Variants in JMJD1C observed in about 807,000 individuals in gnomAD.
The protein encoded by JMJD1C is jumonji domain-containing protein 1C.
A neutral mutation model predicts 245.3 loss-of-function variants in JMJD1C; 31 were observed. The ratio of observed to expected loss-of-function variants is 0.13; its 90% confidence interval spans 0.09 to 0.17. The LOEUF (loss-of-function observed/expected upper bound fraction) is 0.17, where lower values mean the gene tolerates loss of function less well. Ranked by LOEUF, JMJD1C falls within the 10% of genes least tolerant of loss-of-function variation. The pLI is 1.00. For missense variants in JMJD1C, 2,691 were observed against 3,000.2 expected, an observed-to-expected ratio of 0.90 and a Z score of 2.41; for synonymous variants, 1,057 against 1,017.4, an observed-to-expected ratio of 1.04 and a Z score of -0.74.
At chr10:63,472,357 CAG>C (rs1176341374) in intron 1 of JMJD1C, among the ~76,000 whole-genome samples, 1 of 151,918 alleles carries the variant, frequency 6.6e-6, no homozygotes, top group Non-Finnish European at 1.5e-5. Context: ...TTTTTTGAGT[CAG>C]AGTCTCCCTG....
At chr10:63,301,698 C>G (rs970962252) in intron 2 of JMJD1C, 23 of 447,080 alleles carry the variant, frequency 5.1e-5, no homozygotes, top group African/African-American at 4.5e-4. Context: ...GGACAAATAC[C>G]TAATGCATAT....
chr10:63,380,203 C>A (rs767409548), intron 2 of JMJD1C, 115 bp downstream of exon 2: 2 of 1,040,148 alleles, frequency 1.9e-6, no homozygotes, highest in African/African-American at 3.1e-5. Flanking sequence ...TTCAGCCTCT[C>A]AAAGTGCTAG....
At chr10:63,434,931 G>A (rs1040862794) in intron 1 of JMJD1C, among the ~76,000 whole-genome samples, 38 of 152,114 alleles carry the variant, frequency 2.5e-4, no homozygotes, top group African/African-American at 8.9e-4. Context: ...CAAAAAAATT[G>A]CCCTAGAATA....
chr10:63,422,994 C>T (rs1482723601), intron 1 of JMJD1C, among the ~76,000 whole-genome samples: 3 of 146,978 alleles, frequency 2.0e-5, no homozygotes, highest in Admixed American at 1.4e-4. Flanking sequence ...ACTGAGTTTT[C>T]GCTCTTGTCA....
chr10:63,181,311 T>G (rs1420669704), intron 22 of JMJD1C, among the ~76,000 whole-genome samples: 3 of 152,160 alleles, frequency 2.0e-5, no homozygotes, highest in African/African-American at 7.2e-5. Flanking sequence ...GCTCTGCAAA[T>G]TAAAATAACA....
At chr10:63,387,499 C>T (rs566318330) in intron 1 of JMJD1C, among the ~76,000 whole-genome samples, 1 of 151,526 alleles carries the variant, frequency 6.6e-6, no homozygotes, top group Non-Finnish European at 1.5e-5. Context: ...AAATTCGGGA[C>T]CTGATGTATT....
chr10:63,370,965 C>T (rs948456646), intron 2 of JMJD1C, among the ~76,000 whole-genome samples: 1 of 152,074 alleles, frequency 6.6e-6, no homozygotes, highest in Admixed American at 6.6e-5. Context: ...ATAATGATCT[C>T]CATTACTTTA....
At chr10:63,496,035 T>TAAA (rs1016095824) in intron 1 of JMJD1C, among the ~76,000 whole-genome samples, 8 of 113,060 alleles carry the variant, frequency 7.1e-5, no homozygotes, top group Non-Finnish European at 1.9e-5. Flanking sequence ...GCAATTGCAC[T>TAAA]AAAAAAAAAA....
chr10:63,328,356 G>A (rs185711342), intron 2 of JMJD1C, among the ~76,000 whole-genome samples: 1 of 152,084 alleles, frequency 6.6e-6, no homozygotes, highest in African/African-American at 2.4e-5. Flanking sequence ...AAATTTGAGA[G>A]GATTAGGGGA....
chr10:63,454,386 T>C (rs557579842), intron 1 of JMJD1C, among the ~76,000 whole-genome samples: 1 of 151,686 alleles, frequency 6.6e-6, no homozygotes, highest in African/African-American at 2.4e-5. Flanking sequence ...GCCTCCAGAG[T>C]AGCCGGGATT....
chr10:63,326,482 TA>T (rs1464487229), intron 2 of JMJD1C, among the ~76,000 whole-genome samples: 1 of 152,122 alleles, frequency 6.6e-6, no homozygotes, highest in Non-Finnish European at 1.5e-5. Context: ...AGTAATGTTA[TA>T]AGATACTGCC....
intron 2 of JMJD1C, among the ~76,000 whole-genome samples, chr10:63,272,025 A>T (rs1162822043): frequency 5.3e-5 from 8 of 150,972 alleles, no homozygotes; most frequent in African/African-American, 2.4e-5. Context: ...GTGAGCCGAG[A>T]TCATACCACT....
chr10:63,280,264 T>C (rs535253013), intron 2 of JMJD1C, among the ~76,000 whole-genome samples: 28 of 150,700 alleles, frequency 1.9e-4, no homozygotes, highest in South Asian at 8.4e-4. Context: ...AAAAAGTTAG[T>C]GTAGGCCACA....
intron 24 of JMJD1C, among the ~76,000 whole-genome samples, chr10:63,174,802 C>CTA (rs1842729673): frequency 6.6e-6 from 1 of 151,630 alleles, no homozygotes; most frequent in African/African-American, 2.4e-5. Context: ...CCACTGAGCT[C>CTA]TAGCCTGGGC....
chr10:63,210,292 T>C (rs1450898240), intron 8 of JMJD1C, among the ~76,000 whole-genome samples: 1 of 152,092 alleles, frequency 6.6e-6, no homozygotes, highest in Non-Finnish European at 1.5e-5. Flanking sequence ...TAATAGTGTC[T>C]TATGCTTGTA....
At chr10:63,414,355 C>A (rs1457757721) in intron 1 of JMJD1C, among the ~76,000 whole-genome samples, 3 of 152,054 alleles carry the variant, frequency 2.0e-5, no homozygotes, top group Non-Finnish European at 2.9e-5. Context: ...TAAACAGTTT[C>A]TCTTTTTTTA....
intron 10 of JMJD1C, chr10:63,203,105 G>C (rs1846207184): frequency 2.0e-6 from 2 of 984,822 alleles, no homozygotes; most frequent in African/African-American, 3.5e-5. Flanking sequence ...GAATAAATGA[G>C]TACAAAGACA....
chr10:63,169,848 G>GA (rs1842187148), intron 24 of JMJD1C, among the ~76,000 whole-genome samples: 1 of 152,178 alleles, frequency 6.6e-6, no homozygotes, highest in Non-Finnish European at 1.5e-5. Flanking sequence ...AGGAAACTAT[G>GA]GATGAGATGT....
At chr10:63,205,432 T>C (rs377647843) in intron 10 of JMJD1C, among the ~76,000 whole-genome samples, 81 of 152,234 alleles carry the variant, frequency 5.3e-4, no homozygotes, top group African/African-American at 1.9e-3. Flanking sequence ...TCAAAAATAC[T>C]TGGGGGAAAA....
Sources: gnomAD v4.1 joint callset for allele counts (sites outside exome capture counted in the v4.1 genomes callset) on GRCh38, gnomAD v4.1.1 for gene constraint, MANE v1.5 for transcripts, NCBI Gene and HGNC (gene_info 2026-07-23, HGNC 2026-07-21) for gene names.